The following TRPV2 variants were observed in gnomAD, a reference collection of about 807,000 sequenced individuals.
TRPV2 encodes OTRPC2.
Under a neutral mutation model 91.0 loss-of-function variants are expected in TRPV2, and 58 were observed. That is an observed-to-expected ratio of 0.64 (90% CI 0.52 to 0.79). The LOEUF is 0.79. Ranked by LOEUF, TRPV2 falls within the 30% of genes least tolerant of loss-of-function variation. The pLI, the probability that TRPV2 is intolerant of heterozygous loss-of-function variation, is 0.00. For missense variants in TRPV2, 807 were observed against 969.6 expected (o/e 0.83, Z 2.23); for synonymous variants, 417 against 414.8 (o/e 1.01, Z -0.06).
intron 9 of TRPV2, 171 bp downstream of exon 9, chr17:16,428,558 C>A: frequency 1.3e-6 from 1 of 776,154 alleles, no homozygotes; most frequent in East Asian, 2.5e-5. Flanking sequence ...CCTGGGGCCC[C>A]TTGTGCTCCC....
intron 3 of TRPV2, 134 bp from the exon 4 acceptor site, chr17:16,422,465 C>A: frequency 1.2e-6 from 1 of 825,232 alleles, no homozygotes. Flanking sequence ...GGTTGTGCTC[C>A]CACCAGTTAT....
chr17:16,415,918 T>A lies in TRPV2; in HGVS notation c.-108+85T>A, dbSNP rs964199553. Reference sequence around the variant, plus strand: ...GAATGATGGGGTGGGGAAGGCCTAGTGGGCTCCTGGCTTCTACAGCCTGGA... The same window carrying A: ...GAATGATGGGGTGGGGAAGGCCTAGAGGGCTCCTGGCTTCTACAGCCTGGA... On this transcript the variant is annotated intron_variant, in intron 1 of 14. Transcript: ENST00000338560. The surrounding 1 kb of genome is among the most constrained non-coding windows in gnomAD (Gnocchi z 4.5). 3 of 152,166 alleles carry A rather than the reference T, an allele frequency of 2.0e-5. No homozygotes were observed. Among genetic ancestry groups the A allele is most frequent in the Admixed American group, 6.5e-5 (1 of 15,268 alleles). 9.4% of individuals were successfully genotyped at this position (152,166 alleles called of 1,614,324 possible). A position where few individuals can be genotyped will look rare whatever the true frequency, so the allele number is the denominator to read the frequency against.
chr17:16,428,273 G>A (rs147223530), intron 8 of TRPV2, 44 bp from the exon 9 acceptor site: 488 of 1,593,474 alleles, frequency 3.1e-4, no homozygotes, highest in Non-Finnish European at 3.9e-4. Flanking sequence ...GGGGGCATGC[G>A]GGAGAGCAGG....
chr17:16,416,668 T>C (rs1036792864), intron 1 of TRPV2: 2 of 152,154 alleles, frequency 1.3e-5, no homozygotes, highest in Non-Finnish European at 2.9e-5. Context: ...ACTGAAAATA[T>C]AGACAGACCC....
At chr17:16,424,762 A>G (rs181695194) in intron 5 of TRPV2, among the ~76,000 whole-genome samples, 2 of 151,678 alleles carry the variant, frequency 1.3e-5, no homozygotes, top group East Asian at 1.9e-4. Context: ...CTAGTTCATC[A>G]TTTGTCTTTT....
intron 12 of TRPV2, chr17:16,433,098 C>A: frequency 6.4e-6 from 1 of 156,658 alleles, no homozygotes; most frequent in Non-Finnish European, 1.4e-5. Flanking sequence ...AGCCACCATG[C>A]CCCACCCTGC....
At chr17:16,433,864 T>G (rs1276474742) in intron 13 of TRPV2, among the ~76,000 whole-genome samples, 166 bp downstream of exon 13, 1 of 152,222 alleles carries the variant, frequency 6.6e-6, no homozygotes, top group East Asian at 1.9e-4. Context: ...GGTCTGGATC[T>G]CACAAGCCAT....
chr17:16,420,502 G>A (rs1169354959), intron 3 of TRPV2, among the ~76,000 whole-genome samples: 1 of 152,190 alleles, frequency 6.6e-6, no homozygotes, highest in Non-Finnish European at 1.5e-5. Flanking sequence ...CATTGCAGTG[G>A]CTGAATGGAA....
intron 2 of TRPV2, among the ~76,000 whole-genome samples, chr17:16,418,513 T>C (rs1425887371): frequency 1.3e-5 from 2 of 152,090 alleles, no homozygotes; most frequent in Non-Finnish European, 2.9e-5. Context: ...GGCTAGACTC[T>C]GCCACAGAAG....
rs2093382637 is a variant in TRPV2 at position 16,426,249 on chromosome 17, G to A, written c.1075G>A (p.Ala359Thr). 1.9e-6 allele frequency: 3 copies of A among 1,614,036 alleles called. No homozygotes were observed. Among genetic ancestry groups the A allele is most frequent in the African/African-American group, 2.7e-5 (2 of 74,918 alleles). The change falls in exon 6 of 15, where the codon GCC (alanine) becomes ACC (threonine). Residue 359 changes from alanine (A) to threonine (T), a missense_variant. Ala to Thr is a moderately conservative substitution (Grantham distance 58). Transcript: ENST00000338560. This position sits in a 1 kb window ranked among gnomAD's most constrained non-coding sequence, Gnocchi z 6.0. ...CEENSVLEIIAFHCKSPHRHR... is the reference protein window; with the variant it reads ...CEENSVLEIITFHCKSPHRHR... Reference sequence around the variant, plus strand: ...GGAGAACTCAGTGCTGGAGATCATTGCCTTTCATTGCAAGAGCCCGGTGAG... The same window carrying A: ...GGAGAACTCAGTGCTGGAGATCATTACCTTTCATTGCAAGAGCCCGGTGAG...
chr17:16,428,858 G>A lies in TRPV2; in HGVS notation c.1463G>A (p.Cys488Tyr). The change falls in exon 10 of 15, where the codon TGT becomes TAT. Residue 488 changes from cysteine (C) to tyrosine (Y), a missense_variant. By Grantham distance (194) the Cys-to-Tyr change is radical (BLOSUM62 -2). Coordinates refer to ENST00000338560, the MANE Select transcript of TRPV2 (RefSeq NM_016113.5). The part of the protein sequence containing the change: ...ALLTVVSQVL[C>Y]FLAIEWYLPL... ...CTCACAGTGGTGTCCCAGGTGCTGT[G>A]TTTCCTGGCCATCGAGTGGTACCTG... 6.2e-7 allele frequency: 1 copy of A among 1,613,986 alleles called. No individual in the cohort carries two copies. The highest frequency in any genetic ancestry group is 1.1e-5 in the South Asian group (1 of 91,070).
At chr17:16,430,010 A>G (rs1454939540) in intron 10 of TRPV2, among the ~76,000 whole-genome samples, 2 of 151,808 alleles carry the variant, frequency 1.3e-5, no homozygotes, top group African/African-American at 4.8e-5. Context: ...GGTTGCAGGC[A>G]CCCACCACCA....
In TRPV2 at chr17:16,420,225, A is replaced by G. The variant is rs1353483237; in HGVS notation, c.311A>G (p.Tyr104Cys). Residue 104 changes from tyrosine (Y) to cysteine (C), a missense_variant, in exon 3 of 15, where the codon TAC (tyrosine) becomes TGC (cysteine). By Grantham distance (194) the Tyr-to-Cys change is radical (BLOSUM62 -2). Transcript: ENST00000338560. ...GAGTACCTGAGCAAGACCAGCAAGT[A>G]CCTCACCGACTCGGAATACACAGGT... ...LPEYLSKTSK[Y>C]LTDSEYTEGS... is the part of the protein sequence containing the mutation. 7 of 1,613,806 alleles carry G rather than the reference A, an allele frequency of 4.3e-6. No homozygotes were observed. Among genetic ancestry groups the G allele is most frequent in the Non-Finnish European group, 2.5e-6 (3 of 1,179,836 alleles).
chr17:16,417,151 C>A (rs141063332), intron 1 of TRPV2, among the ~76,000 whole-genome samples: 294 of 152,316 alleles, frequency 1.9e-3, no homozygotes, highest in African/African-American at 5.6e-3. Context: ...CCCTCCTGGC[C>A]CACTTCCCCT....
chr17:16,417,543 C>T lies in TRPV2; in HGVS notation c.-107-19C>T. The T allele has an allele frequency of 9.7e-7, 1 of 1,027,368 alleles. No homozygotes were observed. 63.6% of individuals were successfully genotyped at this position (1,027,368 alleles called of 1,614,324 possible). A position where few individuals can be genotyped will look rare whatever the true frequency, so the allele number is the denominator to read the frequency against. On this transcript the variant is annotated intron_variant, in intron 1 of 14. Transcript: ENST00000338560. ...ACCACGCCCAGCCTTTTGCACTAAC[C>T]TAATACCTCCTTTTGCAGGCTCCAG...
intron 9 of TRPV2, 97 bp downstream of exon 9, chr17:16,428,484 C>A: frequency 7.6e-7 from 1 of 1,309,684 alleles, no homozygotes; most frequent in Non-Finnish European, 1.1e-6. Flanking sequence ...GAGGCGAGGA[C>A]ACGGGGCCCA....
At position 16,436,927 on chromosome 17, in the gene TRPV2, A is replaced by G. The variant is rs542808221; in HGVS notation, c.*38A>G. 36 of 1,535,120 alleles carry G rather than the reference A, an allele frequency of 2.3e-5. No individual in the cohort carries two copies. The South Asian group carries it at 4.0e-4, about 17-fold the overall frequency. ...AGCAGGAGGCCAGAGGACAGAGCAG[A>G]GGATCTTTCCAACCACATCTGCTGG... On this transcript the variant is annotated 3_prime_UTR_variant, in exon 15 of 15. Coordinates refer to ENST00000338560, the MANE Select transcript of TRPV2 (RefSeq NM_016113.5).
intron 3 of TRPV2, among the ~76,000 whole-genome samples, chr17:16,421,955 G>A (rs2093359627): frequency 1.3e-5 from 2 of 152,262 alleles, no homozygotes; most frequent in Non-Finnish European, 2.9e-5. Flanking sequence ...TACAAATACT[G>A]CTCTGAATGT....
rs967242144 is a variant in TRPV2, at chr17:16,417,971, C to T, written c.200+103C>T. 4.5e-5 allele frequency: 53 copies of T among 1,179,050 alleles called. 2 individuals carry two copies. The Admixed American group carries it at 1.2e-3, about 27-fold the overall frequency. The allele number at this position is 1,179,050 out of a possible 1,614,324, so 73.0% of individuals were successfully genotyped here. A position where few individuals can be genotyped will look rare whatever the true frequency, so the allele number is the denominator to read the frequency against. On this transcript the variant is annotated intron_variant, in intron 2 of 14. Transcript: ENST00000338560. ...ACTAGTCCAGCACCAGTGCCCCTTC[C>T]CACAGCCTGTGGAGTCCTCAGTCTG...
Sources: allele counts gnomAD v4.1 joint callset (sites outside exome capture counted in the v4.1 genomes callset), GRCh38; gene constraint gnomAD v4.1.1; non-coding constraint Gnocchi (gnomAD v3.1); transcripts MANE v1.5; gene names NCBI Gene and HGNC (gene_info 2026-07-23, HGNC 2026-07-21).